Variants in ATP8A1 observed in about 807,000 individuals in gnomAD.
The protein encoded by ATP8A1 is ATPase phospholipid transporting 8A1.
ATP8A1 carries 90 observed loss-of-function variants against 177.7 expected under a neutral mutation model. The ratio of observed to expected loss-of-function variants is 0.51; its 90% CI spans 0.43 to 0.60. The LOEUF (loss-of-function observed/expected upper bound fraction) is 0.60. ATP8A1 is among the 20% of genes least tolerant of loss of function. The pLI is 0.00. For synonymous variants in ATP8A1, 493 were observed against 485.9 expected (o/e 1.01, Z -0.19); for missense variants, 1,072 against 1,392.8 (o/e 0.77, Z 3.67).
chr4:42,462,559 GC>G (rs1719287992), intron 27 of ATP8A1, among the ~76,000 whole-genome samples: 1 of 152,258 alleles, frequency 6.6e-6, no homozygotes, highest in Non-Finnish European at 1.5e-5. Context: ...GTATGGAAAT[GC>G]CTGGATGCCC....
intron 20 of ATP8A1, among the ~76,000 whole-genome samples, chr4:42,537,255 G>T (rs1226893262): frequency 6.6e-6 from 1 of 151,342 alleles, no homozygotes; most frequent in Non-Finnish European, 1.5e-5. Flanking sequence ...TATTGACACA[G>T]AAGAGGCATA....
chr4:42,643,889 G>C (rs1345599248), intron 1 of ATP8A1, among the ~76,000 whole-genome samples: 1 of 152,190 alleles, frequency 6.6e-6, no homozygotes, highest in Non-Finnish European at 1.5e-5. Flanking sequence ...AAGTCCCAGT[G>C]CCTTGTTTCA....
intron 1 of ATP8A1, among the ~76,000 whole-genome samples, chr4:42,638,117 T>G (rs1328154313): frequency 6.6e-6 from 1 of 152,224 alleles, no homozygotes; most frequent in Non-Finnish European, 1.5e-5. Flanking sequence ...TGCTAAATTT[T>G]CTATTTCAAT....
At chr4:42,537,146 A>AAAAC (rs540584674) in intron 20 of ATP8A1, among the ~76,000 whole-genome samples, 3,588 of 145,484 alleles carry the variant, frequency 0.025, 75 homozygotes, top group South Asian at 0.086. Flanking sequence ...AAAAAAAAAA[A>AAAAC]CAAAAAAACC....
intron 25 of ATP8A1, among the ~76,000 whole-genome samples, chr4:42,471,602 A>G (rs1653979882): frequency 6.6e-6 from 1 of 152,242 alleles, no homozygotes; most frequent in Non-Finnish European, 1.5e-5. Flanking sequence ...TAGACCTATG[A>G]AAGGCACTAA....
At chr4:42,619,566 C>A (rs560706242) in intron 4 of ATP8A1, among the ~76,000 whole-genome samples, 12 of 151,648 alleles carry the variant, frequency 7.9e-5, no homozygotes, top group African/African-American at 2.9e-4. Context: ...GTCTTCAGTA[C>A]CTTACCTGCA....
In ATP8A1 at chr4:42,455,204, T is replaced by C. The variant is rs1718348053; in HGVS notation, c.2817+93A>G. ...ACCCTGGAGTTGTCTCAGGCTAGTG[T>C]ATCCTTGGCCTTTGAAAACCACATA... On this transcript the variant is annotated intron_variant, in intron 29 of 36. Transcript: ENST00000381668. 2.7e-6 allele frequency: 4 copies of C among 1,486,448 alleles called. No individual in the cohort carries two copies. In the Admixed American group the frequency reaches 6.2e-5, roughly 23 times the overall value. 92.1% of individuals were successfully genotyped at this position (1,486,448 alleles called of 1,614,324 possible).
At chr4:42,610,959 G>T (rs1032529796) in intron 5 of ATP8A1, among the ~76,000 whole-genome samples, 2 of 152,186 alleles carry the variant, frequency 1.3e-5, no homozygotes, top group Non-Finnish European at 2.9e-5. Context: ...CAAGAAAGGT[G>T]TTGCTATTTT....
At chr4:42,601,684 T>C (rs1735290997) in intron 5 of ATP8A1, among the ~76,000 whole-genome samples, 1 of 152,210 alleles carries the variant, frequency 6.6e-6, no homozygotes, top group South Asian at 2.1e-4. Context: ...GAAAAGCATT[T>C]AATATTTGTT....
intron 22 of ATP8A1, among the ~76,000 whole-genome samples, chr4:42,507,748 AAAAAAAAGT>A (rs1215918688): frequency 7.1e-6 from 1 of 141,650 alleles, no homozygotes; most frequent in Non-Finnish European, 1.5e-5. Context: ...AAAAAAAAAA[AAAAAAAAGT>A]CAGTTAAAAA....
intron 11 of ATP8A1, 58 bp from the exon 12 acceptor site, chr4:42,578,445 C>T: frequency 6.4e-7 from 1 of 1,572,830 alleles, no homozygotes; most frequent in Non-Finnish European, 8.6e-7. Context: ...TTGCATTGAC[C>T]CCAAATTAGC....
intron 24 of ATP8A1, among the ~76,000 whole-genome samples, chr4:42,496,266 G>A (rs375970801): frequency 1.6e-4 from 24 of 152,166 alleles, no homozygotes; most frequent in African/African-American, 4.3e-4. Context: ...AGGAAGAGTG[G>A]GATAAGGGAT....
At position 42,549,026 on chromosome 4, in the gene ATP8A1, A is replaced by G; in HGVS notation, c.1639T>C (p.Leu547=). 6.2e-7 allele frequency: 1 copy of G among 1,611,894 alleles called. No homozygotes were observed. The highest frequency in any genetic ancestry group is 8.5e-7 in the Non-Finnish European group (1 of 1,178,690). The change falls in exon 19 of 37, where the codon TTG becomes CTG. Residue 547 remains leucine (L), a synonymous_variant. Coordinates refer to ENST00000381668, the MANE Select transcript of ATP8A1 (RefSeq NM_006095.2). ...CAGATGTTTTACCTGGTAAACTCCA[A>G]GACATTGAGCAATTCATATCTTTCT... The part of the protein sequence containing the change: ...QEERYELLNV[L]EFTSARKRMS...
intron 27 of ATP8A1, among the ~76,000 whole-genome samples, chr4:42,456,249 C>T (rs1472616146): frequency 6.6e-6 from 1 of 152,136 alleles, no homozygotes; most frequent in Non-Finnish European, 1.5e-5. Flanking sequence ...ATTTAGCTGG[C>T]TTCCAGTTGT....
At chr4:42,468,350 G>A (rs912169135) in intron 25 of ATP8A1, among the ~76,000 whole-genome samples, 3 of 151,878 alleles carry the variant, frequency 2.0e-5, no homozygotes, top group African/African-American at 7.3e-5. Flanking sequence ...ATCAACAAGC[G>A]GATAAAGAAA....
intron 25 of ATP8A1, among the ~76,000 whole-genome samples, chr4:42,472,762 AAAGAG>A (rs1303284451): frequency 6.8e-6 from 1 of 146,984 alleles, no homozygotes; most frequent in Non-Finnish European, 1.5e-5. Context: ...AAAAAAAAAA[AAAGAG>A]AGAAAAAGAA....
At chr4:42,571,893 A>T (rs990168341) in intron 14 of ATP8A1, among the ~76,000 whole-genome samples, 3 of 152,208 alleles carry the variant, frequency 2.0e-5, no homozygotes, top group Admixed American at 6.5e-5. Flanking sequence ...AAGAAAATTT[A>T]TTAAAATTAA....
chr4:42,497,890 C>T (rs1723444813), intron 24 of ATP8A1, among the ~76,000 whole-genome samples: 1 of 152,088 alleles, frequency 6.6e-6, no homozygotes, highest in Non-Finnish European at 1.5e-5. Flanking sequence ...GTGTGCCAGA[C>T]AATATTCGAA....
Position 42,568,829 on chromosome 4 carries a change from T to G in ATP8A1, c.1340+332A>C, listed in dbSNP as rs558550274. Among the ~76,000 whole-genome samples, 8 of 152,238 alleles carry G rather than the reference T, an allele frequency of 5.3e-5. No individual in the cohort carries two copies. The South Asian group carries it at 1.7e-3, about 32-fold the overall frequency. ...GCGGCAGAAGGTGGCAGTACTGAGC[T>G]AGAAAAACCTGACGGCTTCAGGAGC... On this transcript the variant is annotated intron_variant, in intron 15 of 36. Coordinates refer to ENST00000381668, the MANE Select transcript of ATP8A1 (RefSeq NM_006095.2).
Sources: gnomAD v4.1 joint callset for allele counts (sites outside exome capture counted in the v4.1 genomes callset) on GRCh38, gnomAD v4.1.1 for gene constraint, MANE v1.5 for transcripts, NCBI Gene and HGNC (gene_info 2026-07-23, HGNC 2026-07-21) for gene names.